EPB41L3: variants seen among roughly 807,000 people sequenced by gnomAD.
The protein encoded by EPB41L3 is erythrocyte membrane protein band 4.1 like 3.
A neutral mutation model predicts 127.1 loss-of-function variants in EPB41L3; 57 were observed. The ratio of observed to expected loss-of-function variants is 0.45; its 90% CI spans 0.36 to 0.56. The LOEUF (loss-of-function observed/expected upper bound fraction) is 0.56. EPB41L3 is among the 20% of genes least tolerant of loss of function. The probability of loss-of-function intolerance (pLI) is 0.00; values close to 1 mark genes in which losing one functional copy is unlikely to be tolerated. For synonymous variants in EPB41L3, 572 were observed against 549.5 expected, an observed-to-expected ratio of 1.04 and a Z score of -0.57; for missense variants, 1,273 against 1,372.2, an observed-to-expected ratio of 0.93 and a Z score of 1.14.
intron 1 of EPB41L3, among the ~76,000 whole-genome samples, chr18:5,619,069 G>A (rs1006204306): frequency 6.6e-6 from 1 of 152,100 alleles, no homozygotes; most frequent in African/African-American, 2.4e-5. Context: ...ACACTGTAAT[G>A]ATTTGTATCT....
chr18:5,435,383 C>T (rs943318995), intron 6 of EPB41L3, among the ~76,000 whole-genome samples: 67 of 152,280 alleles, frequency 4.4e-4, no homozygotes, highest in African/African-American at 1.4e-3. Context: ...CCGTCCTGCA[C>T]GCGCCATTCA....
At chr18:5,552,524 A>G (rs113206213) in intron 3 of EPB41L3, among the ~76,000 whole-genome samples, 19 of 152,362 alleles carry the variant, frequency 1.2e-4, no homozygotes, top group African/African-American at 4.6e-4. Context: ...TAGAGGAGCC[A>G]GTAGGAAATT....
chr18:5,481,721 G>A (rs2088570025), intron 2 of EPB41L3, among the ~76,000 whole-genome samples: 1 of 152,168 alleles, frequency 6.6e-6, no homozygotes, highest in Admixed American at 6.5e-5. Context: ...CACTGGAGAA[G>A]GCACATTCCA....
At chr18:5,464,825 C>G (rs1277177923) in intron 3 of EPB41L3, among the ~76,000 whole-genome samples, 1 of 152,132 alleles carries the variant, frequency 6.6e-6, no homozygotes, top group East Asian at 1.9e-4. Context: ...AAAGAATGTC[C>G]TCTGCCAACG....
chr18:5,503,714 G>A (rs1598398415), intron 1 of EPB41L3, among the ~76,000 whole-genome samples: 1 of 152,124 alleles, frequency 6.6e-6, no homozygotes, highest in Non-Finnish European at 1.5e-5. Flanking sequence ...CTATCAATTC[G>A]TGCATATTTT....
At chr18:5,430,557 C>CT (rs5822860) in intron 8 of EPB41L3, among the ~76,000 whole-genome samples, 1,887 of 146,286 alleles carry the variant, frequency 0.013, 22 homozygotes, top group Non-Finnish European at 0.02. Flanking sequence ...TTTGAGAAAT[C>CT]TTTTTTTTTT....
At chr18:5,624,419 T>C (rs2094899664) in intron 1 of EPB41L3, among the ~76,000 whole-genome samples, 1 of 152,268 alleles carries the variant, frequency 6.6e-6, no homozygotes, top group South Asian at 2.1e-4. Flanking sequence ...TTGAAATCTC[T>C]GTCTAGCTCA....
chr18:5,416,573 C>A (rs1598660754), intron 12 of EPB41L3, among the ~76,000 whole-genome samples, 195 bp from the exon 13 acceptor site: 1 of 152,198 alleles, frequency 6.6e-6, no homozygotes, highest in Non-Finnish European at 1.5e-5. Context: ...GGCTACATTT[C>A]TCCCATGAGA....
intron 15 of EPB41L3, chr18:5,407,186 A>G (rs1012215276): frequency 9.1e-6 from 5 of 551,982 alleles, no homozygotes; most frequent in Admixed American, 6.3e-5. Flanking sequence ...ACAAACATGG[A>G]TACCAAAAGA....
chr18:5,399,905 CAATA>C (rs1426506503), intron 16 of EPB41L3: 1 of 152,140 alleles, frequency 6.6e-6, no homozygotes, highest in Admixed American at 6.5e-5. Context: ...ACTTATTATT[CAATA>C]AATATTGAGT....
chr18:5,472,005 A>G (rs2086229269), intron 3 of EPB41L3, among the ~76,000 whole-genome samples: 1 of 152,192 alleles, frequency 6.6e-6, no homozygotes, highest in Non-Finnish European at 1.5e-5. Context: ...AGCCTACAGT[A>G]TGATGAAATA....
intron 8 of EPB41L3, among the ~76,000 whole-genome samples, 185 bp downstream of exon 8, chr18:5,433,284 C>T (rs924046272): frequency 1.3e-5 from 2 of 152,074 alleles, no homozygotes; most frequent in Admixed American, 6.6e-5. Flanking sequence ...AGAGCAAACC[C>T]CTCAGTAAAT....
At chr18:5,487,265 G>T (rs984645648) in intron 2 of EPB41L3, among the ~76,000 whole-genome samples, 1 of 152,060 alleles carries the variant, frequency 6.6e-6, no homozygotes, top group Non-Finnish European at 1.5e-5. Flanking sequence ...TCATATGTGG[G>T]GGCTAAAATG....
chr18:5,443,813 CA>C, intron 5 of EPB41L3, 24 bp downstream of exon 5: 1 of 1,602,988 alleles, frequency 6.2e-7, no homozygotes, highest in Non-Finnish European at 8.5e-7. Flanking sequence ...CACATTTCCA[CA>C]AAAAATAATC....
Position 5,582,909 on chromosome 18 carries a change from G to A in EPB41L3, c.-306+29431C>T, listed in dbSNP as rs139394645. Among the ~76,000 whole-genome samples, 1,093 of 152,290 alleles carry A rather than the reference G, an allele frequency of 7.2e-3. 11 individuals are homozygous for A. The highest frequency in any genetic ancestry group is 0.025 in the African/African-American group (1,025 of 41,558). ...TGAGGCATGCCCGGGAGTGGGGGCA[G>A]CCACTTTCAGGAGCCACTGCAGACA... is the stretch of plus-strand genomic sequence containing the variant. On this transcript the variant is annotated intron_variant, in intron 3 of 21. Transcript: ENST00000545076.
At chr18:5,588,964 T>A (rs1241463772) in intron 3 of EPB41L3, among the ~76,000 whole-genome samples, 4 of 147,204 alleles carry the variant, frequency 2.7e-5, no homozygotes, top group African/African-American at 9.9e-5. Context: ...AAAAAAAAAA[T>A]GATTACTCTG....
At chr18:5,573,598 G>C (rs756273797) in intron 3 of EPB41L3, among the ~76,000 whole-genome samples, 4 of 152,100 alleles carry the variant, frequency 2.6e-5, no homozygotes, top group Non-Finnish European at 4.4e-5. Flanking sequence ...TAGAAGTCTA[G>C]GTACACACAT....
At chr18:5,470,896 G>T (rs1041402992) in intron 3 of EPB41L3, among the ~76,000 whole-genome samples, 4 of 152,208 alleles carry the variant, frequency 2.6e-5, no homozygotes, top group African/African-American at 9.6e-5. Flanking sequence ...CACCCAAGGA[G>T]TTGGCTGAAG....
At chr18:5,549,539 A>G (rs371620573) in intron 3 of EPB41L3, among the ~76,000 whole-genome samples, 4 of 152,368 alleles carry the variant, frequency 2.6e-5, no homozygotes, top group African/African-American at 9.6e-5. Context: ...TTATTTGTGA[A>G]CAGTTTTCTA....
Sources: allele counts gnomAD v4.1 joint callset (sites outside exome capture counted in the v4.1 genomes callset), GRCh38; gene constraint gnomAD v4.1.1; transcripts MANE v1.5; gene names NCBI Gene and HGNC (gene_info 2026-07-23, HGNC 2026-07-21).